Variants in MEIOSIN observed in about 807,000 individuals in gnomAD.
MEIOSIN encodes the protein meiosis initiator.
Under a neutral mutation model 23.4 loss-of-function variants are expected in MEIOSIN, and 18 were observed. That is an observed-to-expected ratio of 0.77 (90% CI 0.53 to 1.14). MEIOSIN has a LOEUF of 1.14. Among genes scored for constraint, MEIOSIN ranks in the 50% most tolerant of loss-of-function variants. MEIOSIN has a pLI of 0.00. For missense variants in MEIOSIN, 428 were observed against 242.9 expected, an observed-to-expected ratio of 1.76 and a Z score of -5.07; for synonymous variants, 187 against 100.6, an observed-to-expected ratio of 1.86 and a Z score of -5.14.
intron 4 of MEIOSIN, among the ~76,000 whole-genome samples, chr19:45,749,174 C>T (rs1968645852): frequency 6.6e-6 from 1 of 151,088 alleles, no homozygotes; most frequent in Non-Finnish European, 1.5e-5. Flanking sequence ...AGTTTGAGAC[C>T]AGCCTGAACA....
chr19:45,760,914 G>A lies in MEIOSIN; in HGVS notation c.1246-765G>A, dbSNP rs1968924613. Among the ~76,000 whole-genome samples, 3 of 143,712 alleles carry A rather than the reference G, an allele frequency of 2.1e-5. No individual in the cohort carries two copies. The South Asian group carries it at 6.6e-4, about 32-fold the overall frequency. 94.3% of individuals were successfully genotyped at this position (143,712 alleles called of 152,430 possible). A position where few individuals can be genotyped will look rare whatever the true frequency, so the allele number is the denominator to read the frequency against. On this transcript the variant is annotated intron_variant, in intron 11 of 14. Transcript: ENST00000457052. ...ACTCCAGCCTGAGGGACAAGAGTAA[G>A]ACTCCGTCTCAAAAAAAAAAAAAAG... is the stretch of plus-strand genomic sequence containing the variant.
At chr19:45,734,062 A>G (rs1387779574) in intron 1 of MEIOSIN, among the ~76,000 whole-genome samples, 1 of 152,008 alleles carries the variant, frequency 6.6e-6, no homozygotes, top group African/African-American at 2.4e-5. Context: ...ACATTTTGAG[A>G]GTCTGGAGCC....
intron 8 of MEIOSIN, among the ~76,000 whole-genome samples, chr19:45,756,378 A>G (rs1389437429): frequency 6.6e-6 from 1 of 152,204 alleles, no homozygotes; most frequent in Non-Finnish European, 1.5e-5. Flanking sequence ...TTTGTGGCTT[A>G]AAGCCCTTCC....
intron 7 of MEIOSIN, among the ~76,000 whole-genome samples, chr19:45,755,190 C>T (rs1456784166): frequency 6.6e-6 from 1 of 150,574 alleles, no homozygotes; most frequent in East Asian, 1.9e-4. Flanking sequence ...TGCTCTGTCG[C>T]CCAGGCTGGA....
chr19:45,737,634 TA>T lies in MEIOSIN; in HGVS notation c.72-1978del, dbSNP rs909862371. Among the ~76,000 whole-genome samples, 783 of 137,444 alleles carry T rather than the reference TA, an allele frequency of 5.7e-3. 1 individual carries two copies. The highest frequency in any genetic ancestry group is 0.015 in the African/African-American group (583 of 37,822). The allele number at this position is 137,444 out of a possible 152,430, so 90.2% of individuals were successfully genotyped here. On this transcript the variant is annotated intron_variant, in intron 2 of 14. Transcript: ENST00000457052. ...GCACACGCCACTATGCCCAACTAAT[TA>T]AAAAAAAAAAAAATTGGCCAGGTGT...
At chr19:45,759,342 C>A in intron 10 of MEIOSIN, 72 bp from the exon 11 acceptor site, 1 of 696,872 alleles carries the variant, frequency 1.4e-6, no homozygotes, top group East Asian at 2.7e-5. Context: ...CTAGCAGGGA[C>A]GGTGTGGCTG....
At chr19:45,743,610 C>A (rs1274206573) in intron 3 of MEIOSIN, among the ~76,000 whole-genome samples, 1 of 152,092 alleles carries the variant, frequency 6.6e-6, no homozygotes, top group African/African-American at 2.4e-5. Flanking sequence ...CAACCTGTGC[C>A]TCCTAGGCTC....
intron 1 of MEIOSIN, among the ~76,000 whole-genome samples, chr19:45,735,059 A>T (rs1968388475): frequency 6.6e-6 from 1 of 151,272 alleles, no homozygotes; most frequent in African/African-American, 2.4e-5. Flanking sequence ...ACGCCCGGCT[A>T]ATTTTTGTAT....
chr19:45,750,334 G>GTCTT (rs1265903352), intron 4 of MEIOSIN, among the ~76,000 whole-genome samples: 1 of 137,544 alleles, frequency 7.3e-6, no homozygotes, highest in Non-Finnish European at 1.5e-5. Flanking sequence ...GCTCAACCCT[G>GTCTT]TCTTTCTTTC....
chr19:45,761,924 C>G lies in MEIOSIN; in HGVS notation c.1435-15C>G. The G allele has an allele frequency of 1.7e-6, 1 of 604,360 alleles. No homozygotes were observed. The highest frequency in any genetic ancestry group is 1.9e-5 in the South Asian group (1 of 52,762). 37.4% of individuals were successfully genotyped at this position (604,360 alleles called of 1,614,324 possible). ...AGGGCCTCCTTCCTCTCTCACCACCCTCTCCCTCCCCCAGGATATGCAGGC... is the reference window on the plus strand; with the variant it reads ...AGGGCCTCCTTCCTCTCTCACCACCGTCTCCCTCCCCCAGGATATGCAGGC... On this transcript the variant is annotated splice_polypyrimidine_tract_variant and intron_variant, in intron 12 of 14. Coordinates refer to ENST00000457052, the MANE Select transcript of MEIOSIN (RefSeq NM_001310124.2).
At chr19:45,744,296 A>G (rs1349205441) in intron 3 of MEIOSIN, among the ~76,000 whole-genome samples, 4 of 152,142 alleles carry the variant, frequency 2.6e-5, no homozygotes, top group Non-Finnish European at 4.4e-5. Flanking sequence ...CTGGGATGAC[A>G]GGTGTGAGCC....
At chr19:45,761,381 G>A (rs2066292875) in intron 11 of MEIOSIN, among the ~76,000 whole-genome samples, 1 of 147,744 alleles carries the variant, frequency 6.8e-6, no homozygotes, top group Non-Finnish European at 1.5e-5. Context: ...CTCAGCCTCC[G>A]AAAGTGCTGA....
Position 45,739,720 on chromosome 19 carries a change from G to A in MEIOSIN, c.166G>A (p.Gly56Arg), listed in dbSNP as rs1424814776. Reference sequence around the variant, plus strand: ...AATGGAGGAGAAATGGTTGCTCAAAGGAAAACTGAGGTACTGTTAACAGAA... The same window carrying A: ...AATGGAGGAGAAATGGTTGCTCAAAAGAAAACTGAGGTACTGTTAACAGAA... ...LRMEEKWLLKGKLRNQRNQNK... is the reference protein window; with the variant it reads ...LRMEEKWLLKRKLRNQRNQNK... Residue 56 changes from glycine (G) to arginine (R), a missense_variant, in exon 3 of 15, where the codon GGA becomes AGA. Physicochemically the swap from Gly to Arg is moderately radical, Grantham distance 125. Coordinates refer to ENST00000457052, the MANE Select transcript of MEIOSIN (RefSeq NM_001310124.2). 1 of 703,544 alleles carries A rather than the reference G, an allele frequency of 1.4e-6. No homozygotes were observed. The highest frequency in any genetic ancestry group is 2.7e-5 in the East Asian group (1 of 37,280). The allele number at this position is 703,544 out of a possible 1,614,324, so 43.6% of individuals were successfully genotyped here.
At chr19:45,744,119 C>G (rs1968551644) in intron 3 of MEIOSIN, among the ~76,000 whole-genome samples, 1 of 151,276 alleles carries the variant, frequency 6.6e-6, no homozygotes, top group Non-Finnish European at 1.5e-5. Flanking sequence ...TTCCGCCTCT[C>G]AGGTTCAAGC....
At chr19:45,753,989 TA>T (rs1279898447) in intron 6 of MEIOSIN, among the ~76,000 whole-genome samples, 1 of 152,040 alleles carries the variant, frequency 6.6e-6, no homozygotes, top group Non-Finnish European at 1.5e-5. Context: ...TGGGCATCAG[TA>T]TTTTTTTTTT....
Position 45,761,791 on chromosome 19 carries a change from C to CCAGCTA in MEIOSIN, c.1363_1364insACAGCT (p.Ser454_Ser455insTyrSer), listed in dbSNP as rs1401690968. 1.5e-6 allele frequency: 1 copy of CCAGCTA among 682,306 alleles called. No individual in the cohort carries two copies. Among genetic ancestry groups the CCAGCTA allele is most frequent in the East Asian group, 2.7e-5 (1 of 36,428 alleles). The allele number at this position is 682,306 out of a possible 1,614,324, so 42.3% of individuals were successfully genotyped here. ...CTGAGCGGGAACAGCAAGGCGCCAT[C>CCAGCTA]CAGCTCCAGCTCCAGCTCCAGCTCC... On this transcript the variant is annotated inframe_insertion, in exon 12 of 15. Transcript: ENST00000457052.
rs1968987015 is a variant in MEIOSIN, at chr19:45,763,332, T to C, written c.1680-6T>C. The C allele has an allele frequency of 5.0e-6, 2 of 398,704 alleles. No homozygotes were observed. The highest frequency in any genetic ancestry group is 8.8e-6 in the Non-Finnish European group (2 of 226,246). 24.7% of individuals were successfully genotyped at this position (398,704 alleles called of 1,614,324 possible). A position where few individuals can be genotyped will look rare whatever the true frequency, so the allele number is the denominator to read the frequency against. ...TCTCCTTACCTCCTCCTCCTTCCTG[T>C]CCCAGATCCTGCCCTGGAACCGCTT... On this transcript the variant is annotated splice_region_variant and splice_polypyrimidine_tract_variant and intron_variant, in intron 13 of 14. Transcript: ENST00000457052.
At position 45,761,423 on chromosome 19, in the gene MEIOSIN, A is replaced by ATT. The variant is rs35838022; in HGVS notation, c.1246-229_1246-228dup. Among the ~76,000 whole-genome samples the ATT allele has an allele frequency of 2.8e-3, 168 of 59,838 alleles. 8 individuals carry two copies. Among genetic ancestry groups the ATT allele is most frequent in the Non-Finnish European group, 4.4e-3 (149 of 34,166 alleles). The allele number at this position is 59,838 out of a possible 152,430, so 39.3% of individuals were successfully genotyped here. A position where few individuals can be genotyped will look rare whatever the true frequency, so the allele number is the denominator to read the frequency against. On this transcript the variant is annotated intron_variant, in intron 11 of 14. Coordinates refer to ENST00000457052, the MANE Select transcript of MEIOSIN (RefSeq NM_001310124.2). ...AGGCATGAGCCACTGCGCCTGGCCT[A>ATT]TTTTTTTTTTTTTTTTTTTTTTTTT... is the stretch of plus-strand genomic sequence containing the variant.
intron 3 of MEIOSIN, among the ~76,000 whole-genome samples, chr19:45,743,768 C>T (rs1968545234): frequency 6.6e-6 from 1 of 152,156 alleles, no homozygotes; most frequent in African/African-American, 2.4e-5. Flanking sequence ...GTCATCTGCC[C>T]ACTTCAGCTT....
Sources: gnomAD v4.1 joint callset for allele counts (sites outside exome capture counted in the v4.1 genomes callset) on GRCh38, gnomAD v4.1.1 for gene constraint, MANE v1.5 for transcripts, NCBI Gene and HGNC (gene_info 2026-07-23, HGNC 2026-07-21) for gene names.